Variants in LAMA2 observed in about 807,000 individuals in gnomAD.
LAMA2 encodes laminin subunit alpha-2.
A neutral mutation model predicts 364.8 loss-of-function variants in LAMA2; 269 were observed. The observed-to-expected ratio is 0.74, with a 90% CI of 0.67 to 0.82. The LOEUF (loss-of-function observed/expected upper bound fraction) is 0.82, where lower values mean the gene tolerates loss of function less well. LAMA2 is among the 40% of genes least tolerant of loss of function. The pLI is 0.00. For missense variants in LAMA2, 3,807 were observed against 3,873.2 expected, an observed-to-expected ratio of 0.98 and a Z score of 0.45; for synonymous variants, 1,379 against 1,370.6, an observed-to-expected ratio of 1.01 and a Z score of -0.14.
intron 13 of LAMA2, among the ~76,000 whole-genome samples, chr6:129,251,805 G>A (rs1786266238): frequency 1.3e-5 from 2 of 152,058 alleles, no homozygotes; most frequent in South Asian, 4.1e-4. Context: ...CTTGGTGGCA[G>A]GCGCCTGTAA....
chr6:129,101,528 G>A (rs1373578667), intron 4 of LAMA2, among the ~76,000 whole-genome samples: 1 of 152,058 alleles, frequency 6.6e-6, no homozygotes, highest in Non-Finnish European at 1.5e-5. Context: ...TTGTTCTTCA[G>A]TAGTTTTACT....
intron 1 of LAMA2, among the ~76,000 whole-genome samples, chr6:128,888,058 G>C (rs1473227982): frequency 6.6e-6 from 1 of 152,132 alleles, no homozygotes; most frequent in Non-Finnish European, 1.5e-5. Flanking sequence ...TTCGGGTTTA[G>C]GATTTGTTTA....
intron 2 of LAMA2, among the ~76,000 whole-genome samples, chr6:129,052,284 C>T (rs1165264764): frequency 2.0e-5 from 3 of 150,110 alleles, no homozygotes; most frequent in Non-Finnish European, 4.4e-5. Context: ...TGCAGGCGCA[C>T]GTTGCCACGC....
intron 35 of LAMA2, among the ~76,000 whole-genome samples, chr6:129,390,492 G>A (rs958054044): frequency 3.3e-5 from 5 of 151,848 alleles, no homozygotes; most frequent in Admixed American, 1.3e-4. Flanking sequence ...GGAGATCTTC[G>A]GATACACCCT....
chr6:129,446,861 A>T (rs1180060533), intron 45 of LAMA2, among the ~76,000 whole-genome samples: 1 of 152,188 alleles, frequency 6.6e-6, no homozygotes, highest in Non-Finnish European at 1.5e-5. Context: ...AACATTGAAA[A>T]GGAATTCACG....
chr6:128,958,147 A>T (rs867575930), intron 1 of LAMA2, among the ~76,000 whole-genome samples: 41 of 152,090 alleles, frequency 2.7e-4, no homozygotes, highest in African/African-American at 9.4e-4. Flanking sequence ...TAATCTAATG[A>T]ATCAAAAACA....
At chr6:129,389,947 T>A (rs1562519411) in intron 35 of LAMA2, among the ~76,000 whole-genome samples, 1 of 152,216 alleles carries the variant, frequency 6.6e-6, no homozygotes, top group Non-Finnish European at 1.5e-5. Flanking sequence ...TATCAGGCTC[T>A]GCCTCCAAAT....
At chr6:128,921,603 A>G (rs1337879843) in intron 1 of LAMA2, among the ~76,000 whole-genome samples, 2 of 152,114 alleles carry the variant, frequency 1.3e-5, no homozygotes, top group East Asian at 3.9e-4. Context: ...GGAAAGAAGC[A>G]TGGACATTTT....
At chr6:129,017,317 A>C (rs80264747) in intron 1 of LAMA2, among the ~76,000 whole-genome samples, 1 of 151,960 alleles carries the variant, frequency 6.6e-6, no homozygotes, top group African/African-American at 2.4e-5. Context: ...TTATGTAATA[A>C]ATGTTACTGA....
chr6:129,455,970 G>A (rs142116741), intron 47 of LAMA2, among the ~76,000 whole-genome samples: 1 of 152,288 alleles, frequency 6.6e-6, no homozygotes, highest in African/African-American at 2.4e-5. Context: ...TAAATTGTAT[G>A]TGTTGGTAAA....
chr6:129,374,424 T>C (rs1343112466), intron 34 of LAMA2, among the ~76,000 whole-genome samples: 1 of 152,082 alleles, frequency 6.6e-6, no homozygotes, highest in Non-Finnish European at 1.5e-5. Flanking sequence ...CTCACACCCA[T>C]AGGTTGTGAT....
intron 4 of LAMA2, among the ~76,000 whole-genome samples, chr6:129,140,590 A>G (rs1056546929): frequency 5.3e-5 from 8 of 152,108 alleles, no homozygotes; most frequent in Non-Finnish European, 1.0e-4. Flanking sequence ...GATACATTTC[A>G]TCTTCCTTGA....
At chr6:129,070,287 G>A (rs1382444767) in intron 3 of LAMA2, among the ~76,000 whole-genome samples, 4 of 152,014 alleles carry the variant, frequency 2.6e-5, no homozygotes, top group Non-Finnish European at 5.9e-5. Context: ...TATTACTTTT[G>A]GTCTTCCACA....
chr6:129,320,810 A>T (rs923566819), intron 28 of LAMA2, among the ~76,000 whole-genome samples, 155 bp downstream of exon 28: 1 of 152,234 alleles, frequency 6.6e-6, no homozygotes, highest in South Asian at 2.1e-4. Flanking sequence ...GGATAATGTT[A>T]TTGATATTTA....
intron 1 of LAMA2, among the ~76,000 whole-genome samples, chr6:128,903,251 A>G (rs142777675): frequency 5.9e-5 from 9 of 152,148 alleles, no homozygotes; most frequent in African/African-American, 2.2e-4. Flanking sequence ...GTAATTTTAA[A>G]CTTCCATTCT....
At chr6:129,033,628 C>T (rs559060989) in intron 1 of LAMA2, among the ~76,000 whole-genome samples, 14 of 152,080 alleles carry the variant, frequency 9.2e-5, no homozygotes, top group African/African-American at 2.9e-4. Context: ...TTTCATTTTC[C>T]GTGACTTGAA....
chr6:129,113,034 T>A (rs558762877), intron 4 of LAMA2, among the ~76,000 whole-genome samples: 1 of 152,192 alleles, frequency 6.6e-6, no homozygotes, highest in East Asian at 1.9e-4. Context: ...TATTTCCCTG[T>A]ACAACAATTG....
At chr6:129,309,764 A>T (rs979518914) in intron 22 of LAMA2, among the ~76,000 whole-genome samples, 1 of 152,210 alleles carries the variant, frequency 6.6e-6, no homozygotes, top group African/African-American at 2.4e-5. Context: ...ATAATATACA[A>T]ATAATCACAT....
intron 29 of LAMA2, among the ~76,000 whole-genome samples, chr6:129,335,062 A>G (rs1189949960): frequency 6.6e-6 from 1 of 152,154 alleles, no homozygotes; most frequent in African/African-American, 2.4e-5. Flanking sequence ...TATAAAGTGC[A>G]TAGGAAAGAA....
Sources: allele counts gnomAD v4.1 joint callset (sites outside exome capture counted in the v4.1 genomes callset), GRCh38; gene constraint gnomAD v4.1.1; transcripts MANE v1.5; gene names NCBI Gene and HGNC (gene_info 2026-07-23, HGNC 2026-07-21).